Variants in MAD1L1 observed in about 807,000 individuals in gnomAD.
MAD1L1 encodes mitotic arrest deficient 1 like 1, also known as mitotic spindle assembly checkpoint protein MAD1.
Under a neutral mutation model 96.9 loss-of-function variants are expected in MAD1L1, and 95 were observed. The observed-to-expected ratio is 0.98, with a 90% CI of 0.83 to 1.16. The LOEUF is 1.16. Among genes scored for constraint, MAD1L1 ranks in the 50% most tolerant of loss-of-function variants. The probability of loss-of-function intolerance (pLI) is 0.00; values close to 1 mark genes in which losing one functional copy is unlikely to be tolerated. For synonymous variants in MAD1L1, 473 were observed against 396.6 expected, an observed-to-expected ratio of 1.19 and a Z score of -2.29; for missense variants, 1,007 against 954.4, an observed-to-expected ratio of 1.06 and a Z score of -0.73.
intron 13 of MAD1L1, among the ~76,000 whole-genome samples, chr7:2,005,769 T>G (rs1782003970): frequency 6.6e-6 from 1 of 152,036 alleles, no homozygotes; most frequent in Non-Finnish European, 1.5e-5. Flanking sequence ...CCACTGCACT[T>G]CAGCCTGGGC....
At chr7:1,940,927 C>CTCCCCCCGCAGGCCTCAGCCTCCTCT (rs1778926786) in intron 16 of MAD1L1, among the ~76,000 whole-genome samples, 1 of 54,108 alleles carries the variant, frequency 1.8e-5, no homozygotes, top group Non-Finnish European at 4.4e-5. Flanking sequence ...CAGTGAGACC[C>CTCCCCCCGCAGGCCTCAGCCTCCTCT]TCCTCCCCCA....
At chr7:2,042,541 A>T (rs1783734012) in intron 12 of MAD1L1, among the ~76,000 whole-genome samples, 1 of 152,172 alleles carries the variant, frequency 6.6e-6, no homozygotes, top group African/African-American at 2.4e-5. Flanking sequence ...CTCCCTCCAA[A>T]TCTCAGGTTG....
chr7:2,162,872 C>CATT (rs1790235491), intron 10 of MAD1L1, among the ~76,000 whole-genome samples: 4 of 133,794 alleles, frequency 3.0e-5, no homozygotes. Flanking sequence ...GGAGTTTCAT[C>CATT]TTTTTTTTTT....
intron 10 of MAD1L1, 126 bp from the exon 11 acceptor site, chr7:2,149,364 TC>T (rs1281465238): frequency 3.9e-5 from 30 of 762,322 alleles, no homozygotes; most frequent in Non-Finnish European, 6.7e-5. Flanking sequence ...ATGTGTGAAC[TC>T]TGTGGACCCA....
chr7:2,023,917 T>G (rs764582060), intron 12 of MAD1L1, among the ~76,000 whole-genome samples: 3 of 151,618 alleles, frequency 2.0e-5, no homozygotes, highest in Non-Finnish European at 4.4e-5. Context: ...CCACTGCACT[T>G]CAGCCTGGGA....
chr7:1,837,409 A>G (rs188620776), intron 18 of MAD1L1, among the ~76,000 whole-genome samples: 58 of 152,304 alleles, frequency 3.8e-4, no homozygotes, highest in Non-Finnish European at 6.5e-4. Context: ...CTTCTTGTAA[A>G]GTTAGGCGTA....
intron 17 of MAD1L1, 96 bp downstream of exon 17, chr7:1,936,591 A>T: frequency 7.8e-7 from 1 of 1,274,588 alleles, no homozygotes; most frequent in Non-Finnish European, 1.1e-6. Flanking sequence ...TCTGGGGATG[A>T]CAGGCAGGGG....
intron 18 of MAD1L1, among the ~76,000 whole-genome samples, chr7:1,887,756 T>C (rs1786182635): frequency 6.6e-6 from 1 of 150,530 alleles, no homozygotes; most frequent in Admixed American, 6.6e-5. Flanking sequence ...CATGTGTCCA[T>C]GTGTGCATGT....
chr7:1,940,422 G>C (rs1778895231), intron 16 of MAD1L1: 1 of 152,250 alleles, frequency 6.6e-6, no homozygotes, highest in African/African-American at 2.4e-5. Flanking sequence ...CCGGGGTTAA[G>C]ATAACCCAGT....
chr7:2,009,068 T>C (rs1485880927), intron 13 of MAD1L1, among the ~76,000 whole-genome samples: 1 of 152,126 alleles, frequency 6.6e-6, no homozygotes, highest in Non-Finnish European at 1.5e-5. Flanking sequence ...GGGAGCTGCC[T>C]CCACCCAAGC....
intron 13 of MAD1L1, among the ~76,000 whole-genome samples, chr7:2,005,427 A>G (rs1352533656): frequency 6.6e-6 from 1 of 152,214 alleles, no homozygotes; most frequent in East Asian, 1.9e-4. Flanking sequence ...GTATTGTGTT[A>G]TATTTCCATT....
At chr7:1,951,346 G>T (rs982223251) in intron 16 of MAD1L1, among the ~76,000 whole-genome samples, 4 of 152,236 alleles carry the variant, frequency 2.6e-5, no homozygotes, top group African/African-American at 9.6e-5. Context: ...GGCAGGGTTG[G>T]AGTAGTCACC....
intron 14 of MAD1L1, among the ~76,000 whole-genome samples, chr7:1,983,091 TGCACACACACACACGTGCACACAC>T (rs1160792124): frequency 4.6e-5 from 7 of 151,902 alleles, no homozygotes; most frequent in East Asian, 1.9e-4. Context: ...TGCGCGTGCA[TGCACACACACACACGTGCACACAC>T]GCACACACAC....
rs114675892 is a variant in MAD1L1 at position 1,895,701 on chromosome 7, C to T, written c.1998+2499G>A. On this transcript the variant is annotated intron_variant, in intron 18 of 18. Transcript: ENST00000265854. Reference sequence around the variant, plus strand: ...GAGCGGGGCCTCTGCGGGCACCAGGCCTTGCTGGTGGAGCACTGGGCCAGT... The same window carrying T: ...GAGCGGGGCCTCTGCGGGCACCAGGTCTTGCTGGTGGAGCACTGGGCCAGT... 8.1e-3 allele frequency among the ~76,000 whole-genome samples: 1,231 copies of T among 152,366 alleles called. 17 individuals carry two copies. The highest frequency in any genetic ancestry group is 0.028 in the African/African-American group (1,153 of 41,588).
chr7:1,885,001 A>AAACAGT (rs1785923267), intron 18 of MAD1L1, among the ~76,000 whole-genome samples: 1 of 152,220 alleles, frequency 6.6e-6, no homozygotes, highest in South Asian at 2.1e-4. Context: ...CTGTGCATGA[A>AAACAGT]GTTACCCGTG....
intron 7 of MAD1L1, 117 bp downstream of exon 7, chr7:2,217,845 C>A: frequency 2.4e-6 from 2 of 835,414 alleles, no homozygotes; most frequent in Non-Finnish European, 4.1e-6. Context: ...CACAGGGCAG[C>A]AGCTAACCTC....
intron 12 of MAD1L1, among the ~76,000 whole-genome samples, chr7:2,045,843 C>T (rs551563732): frequency 6.6e-6 from 1 of 152,316 alleles, no homozygotes; most frequent in Non-Finnish European, 1.5e-5. Flanking sequence ...AGCCTCGGAG[C>T]ACATGGTGAG....
intron 5 of MAD1L1, among the ~76,000 whole-genome samples, chr7:2,221,969 G>A (rs149511101): frequency 9.2e-5 from 14 of 152,028 alleles, no homozygotes; most frequent in African/African-American, 2.4e-4. Context: ...GCTACCTGTC[G>A]CATACATACA....
intron 10 of MAD1L1, among the ~76,000 whole-genome samples, chr7:2,177,205 G>A (rs1042653265): frequency 2.0e-5 from 3 of 152,200 alleles, no homozygotes; most frequent in African/African-American, 7.2e-5. Context: ...ACAACATAGT[G>A]TTACAGCCAC....
Sources: allele counts gnomAD v4.1 joint callset (sites outside exome capture counted in the v4.1 genomes callset), GRCh38; gene constraint gnomAD v4.1.1; transcripts MANE v1.5; gene names NCBI Gene and HGNC (gene_info 2026-07-23, HGNC 2026-07-21).